The following FLRT1 variants were observed in gnomAD, a reference collection of about 807,000 sequenced individuals.
The protein encoded by FLRT1 is leucine-rich repeat transmembrane protein FLRT1.
A neutral mutation model predicts 30.9 loss-of-function variants in FLRT1; 14 were observed. That is an observed-to-expected ratio of 0.45 (90% CI 0.30 to 0.71). FLRT1 has a LOEUF of 0.71. FLRT1 is among the 30% of genes least tolerant of loss of function. FLRT1 has a pLI of 0.08. For synonymous variants in FLRT1, 368 were observed against 430.4 expected (o/e 0.85, Z 1.80); for missense variants, 737 against 949.2 (o/e 0.78, Z 2.94).
chr11:64,061,964 C>T (rs1264677259), intron 1 of FLRT1, among the ~76,000 whole-genome samples: 2 of 145,578 alleles, frequency 1.4e-5, no homozygotes, highest in African/African-American at 5.1e-5. Context: ...ACCACCATGC[C>T]ACCCCCACCC....
chr11:64,092,024 C>G (rs1328608922), intron 1 of FLRT1, among the ~76,000 whole-genome samples: 1 of 152,218 alleles, frequency 6.6e-6, no homozygotes, highest in Non-Finnish European at 1.5e-5. Context: ...CACGTGATCT[C>G]AGCTCCTGAG....
chr11:64,058,403 T>TGG (rs36076587), intron 1 of FLRT1, among the ~76,000 whole-genome samples: 17 of 151,276 alleles, frequency 1.1e-4, no homozygotes, highest in African/African-American at 3.9e-4. Context: ...GAGGAGGGCT[T>TGG]GGGGGGGGGT....
chr11:64,078,823 G>A (rs915675641), intron 1 of FLRT1, among the ~76,000 whole-genome samples: 1 of 152,140 alleles, frequency 6.6e-6, no homozygotes, highest in African/African-American at 2.4e-5. Context: ...TGTGGGGGCA[G>A]GGGCCAGCTT....
chr11:64,053,691 T>G (rs868423043), intron 1 of FLRT1, among the ~76,000 whole-genome samples: 1 of 152,148 alleles, frequency 6.6e-6, no homozygotes, highest in Non-Finnish European at 1.5e-5. Flanking sequence ...GGGAAGGGGC[T>G]TAAGGGGCCT....
At chr11:64,054,711 C>A (rs1473580132) in intron 1 of FLRT1, among the ~76,000 whole-genome samples, 1 of 152,150 alleles carries the variant, frequency 6.6e-6, no homozygotes, top group Non-Finnish European at 1.5e-5. Context: ...CTATCTTGCT[C>A]CCAAATCAAC....
At chr11:64,089,059 C>T (rs930003631) in intron 1 of FLRT1, among the ~76,000 whole-genome samples, 4 of 152,188 alleles carry the variant, frequency 2.6e-5, no homozygotes, top group South Asian at 4.1e-4. Flanking sequence ...CGTGCCCCGC[C>T]GGCTGTCCTC....
chr11:64,097,522 C>A (rs933131596), intron 1 of FLRT1, among the ~76,000 whole-genome samples: 2 of 152,254 alleles, frequency 1.3e-5, no homozygotes, highest in Non-Finnish European at 2.9e-5. Flanking sequence ...GGCAAAGGCC[C>A]AGGCCCGCCG....
At chr11:64,045,521 C>T (rs1341535570) in intron 1 of FLRT1, among the ~76,000 whole-genome samples, 3 of 152,186 alleles carry the variant, frequency 2.0e-5, no homozygotes, top group Admixed American at 1.3e-4. Context: ...TCTACCACCC[C>T]TATCCCAGCC....
At chr11:64,053,854 G>A (rs549358702) in intron 1 of FLRT1, among the ~76,000 whole-genome samples, 23 of 152,292 alleles carry the variant, frequency 1.5e-4, no homozygotes, top group African/African-American at 5.3e-4. Flanking sequence ...TCACATGGGA[G>A]TTAGGGGCAG....
chr11:64,086,250 G>T (rs1944393102), intron 1 of FLRT1, among the ~76,000 whole-genome samples: 1 of 151,704 alleles, frequency 6.6e-6, no homozygotes, highest in Non-Finnish European at 1.5e-5. Flanking sequence ...TTGCATTCGG[G>T]GCCAGAGGGA....
chr11:64,082,739 C>T lies in FLRT1; in HGVS notation c.-1037-20455C>T, dbSNP rs1358553468. Among the ~76,000 whole-genome samples the T allele has an allele frequency of 6.6e-6, 1 of 152,168 alleles. No individual in the cohort carries two copies. The highest frequency in any genetic ancestry group is 1.9e-4 in the East Asian group (1 of 5,190). ...AATGTGGAGCATCCTCCTGAGAGGA[C>T]TCAGAGGGGATTCCTGGGCCTTGGC... On this transcript the variant is annotated intron_variant, in intron 1 of 2. Transcript: ENST00000682287. The surrounding 1 kb of genome is among the most constrained non-coding windows in gnomAD (Gnocchi z 4.5).
At chr11:64,100,759 C>T in intron 1 of FLRT1, among the ~76,000 whole-genome samples, 1 of 152,182 alleles carries the variant, frequency 6.6e-6, no homozygotes, top group East Asian at 1.9e-4. Flanking sequence ...ATACACACCC[C>T]AGAAGCCTGA....
At chr11:64,062,556 A>G (rs1309993676) in intron 1 of FLRT1, among the ~76,000 whole-genome samples, 6 of 152,170 alleles carry the variant, frequency 3.9e-5, no homozygotes, top group Non-Finnish European at 8.8e-5. Flanking sequence ...ACTCTTGTAC[A>G]AGCTCGGTCT....
chr11:64,099,879 C>T (rs978311942), intron 1 of FLRT1, among the ~76,000 whole-genome samples: 12 of 141,320 alleles, frequency 8.5e-5, no homozygotes, highest in Admixed American at 2.1e-4. Flanking sequence ...ATGGAGGGAT[C>T]GAGAAATGGA....
At chr11:64,086,780 G>C (rs975984090) in intron 1 of FLRT1, 1 of 152,276 alleles carries the variant, frequency 6.6e-6, no homozygotes, top group Non-Finnish European at 1.5e-5. Context: ...AGCAGCTGTG[G>C]AGCTGGACGT....
intron 1 of FLRT1, among the ~76,000 whole-genome samples, chr11:64,066,249 A>T (rs1005220464): frequency 7.0e-6 from 1 of 142,438 alleles, no homozygotes; most frequent in Admixed American, 7.4e-5. Context: ...GTGAGCCAAG[A>T]TTGTACCACT....
At chr11:64,045,354 C>T (rs892522458) in intron 1 of FLRT1, among the ~76,000 whole-genome samples, 3 of 151,624 alleles carry the variant, frequency 2.0e-5, no homozygotes, top group African/African-American at 4.8e-5. Flanking sequence ...CATTGTTCCC[C>T]GAGTTATGCT....
Position 64,082,312 on chromosome 11 carries a change from C to T in FLRT1, c.-1037-20882C>T, listed in dbSNP as rs76207697. On this transcript the variant is annotated intron_variant, in intron 1 of 2. Coordinates refer to ENST00000682287, the MANE Select transcript of FLRT1 (RefSeq NM_013280.5). The surrounding 1 kb of genome is among the most constrained non-coding windows in gnomAD (Gnocchi z 4.5). The stretch of plus-strand genomic sequence containing the variant: ...TCCTGCTCTGAGCAGCCAGCAGAGA[C>T]GCTGGGTGGAGGATGATCCGGGGGG... Among the ~76,000 whole-genome samples the T allele has an allele frequency of 2.6e-3, 398 of 151,952 alleles. 1 individual carries two copies. The highest frequency in any genetic ancestry group is 8.9e-3 in the African/African-American group (370 of 41,426).
chr11:64,062,326 C>T (rs1285426964), intron 1 of FLRT1, among the ~76,000 whole-genome samples: 3 of 152,088 alleles, frequency 2.0e-5, no homozygotes, highest in African/African-American at 7.2e-5. Context: ...TGGGTGTCTC[C>T]CAGAGGGAGT....
Sources: allele counts gnomAD v4.1 joint callset (sites outside exome capture counted in the v4.1 genomes callset), GRCh38; gene constraint gnomAD v4.1.1; non-coding constraint Gnocchi (gnomAD v3.1); transcripts MANE v1.5; gene names NCBI Gene and HGNC (gene_info 2026-07-23, HGNC 2026-07-21).